RAD52: variants seen among roughly 807,000 people sequenced by gnomAD.
RAD52 encodes the protein DNA repair protein RAD52 homolog.
Under a neutral mutation model 55.5 loss-of-function variants are expected in RAD52, and 47 were observed. The observed-to-expected ratio is 0.85, with a 90% CI of 0.67 to 1.08. RAD52 has a LOEUF of 1.08. Ranked by LOEUF, RAD52 falls within the 50% of genes least tolerant of loss-of-function variation. The pLI is 0.00. For synonymous variants in RAD52, 184 were observed against 198.9 expected (o/e 0.92, Z 0.63); for missense variants, 468 against 522.8 (o/e 0.90, Z 1.02).
chr12:942,872 A>G (rs1957994287), intron 1 of RAD52, among the ~76,000 whole-genome samples: 1 of 152,206 alleles, frequency 6.6e-6, no homozygotes, highest in Non-Finnish European at 1.5e-5. Flanking sequence ...AACTGATTAC[A>G]TCAAAATGTA....
intron 9 of RAD52, among the ~76,000 whole-genome samples, chr12:915,905 C>T (rs1956343122): frequency 1.3e-5 from 2 of 152,008 alleles, no homozygotes; most frequent in African/African-American, 2.4e-5. Context: ...TTAATAGAGA[C>T]GGGGTTTCGC....
chr12:987,952 G>A (rs1328097756), intron 1 of RAD52, among the ~76,000 whole-genome samples: 5 of 151,836 alleles, frequency 3.3e-5, no homozygotes, highest in Admixed American at 2.0e-4. Context: ...TTACAGGCGC[G>A]AGCCACTGCA....
At chr12:937,795 A>G (rs1319187549) in intron 1 of RAD52, among the ~76,000 whole-genome samples, 1 of 152,094 alleles carries the variant, frequency 6.6e-6, no homozygotes, top group Non-Finnish European at 1.5e-5. Context: ...GCATCTTGTT[A>G]CCTGAGAGCT....
rs1718960011 is a variant in RAD52 at position 913,549 on chromosome 12, C to CT, written c.1196-98dup. 18 of 1,009,330 alleles carry CT rather than the reference C, an allele frequency of 1.8e-5. No individual in the cohort carries two copies. In the South Asian group the frequency reaches 2.4e-4, roughly 14 times the overall value. 62.5% of individuals were successfully genotyped at this position (1,009,330 alleles called of 1,614,324 possible). A position where few individuals can be genotyped will look rare whatever the true frequency, so the allele number is the denominator to read the frequency against. On this transcript the variant is annotated intron_variant, in intron 11 of 11. Transcript: ENST00000358495. ...ATTATATTAATGATCCTAATTTAGA[C>CT]TAAGCCCAAGAATGAGAATTACTGT... is the stretch of plus-strand genomic sequence containing the variant.
upstream of RAD52, among the ~76,000 whole-genome samples, chr12:950,571 C>CAAAAAA (rs763764449): frequency 2.3e-3 from 302 of 132,044 alleles, 7 homozygotes; most frequent in African/African-American, 8.5e-3. Flanking sequence ...GGCTCCGTCT[C>CAAAAAA]AAAAAAAAAA....
Position 961,879 on chromosome 12 carries a change from A to AAG in RAD52, c.-19+27928_-19+27929dup, listed in dbSNP as rs778005741. 2.8e-4 allele frequency among the ~76,000 whole-genome samples: 43 copies of AAG among 151,706 alleles called. No homozygotes were observed. The East Asian group carries it at 6.4e-3, about 23-fold the overall frequency. Reference sequence around the variant, plus strand: ...CCCTGTATCTAAAAAAGAAAGAAAAAAGAGAGAGAGAGAGACACTAGAGGG... The same window carrying AAG: ...CCCTGTATCTAAAAAAGAAAGAAAAAAGAGAGAGAGAGAGAGACACTAGAGGG... On this transcript the variant is annotated intron_variant, in intron 1 of 11. Transcript: ENST00000430095.
intron 1 of RAD52, among the ~76,000 whole-genome samples, chr12:937,292 A>C (rs1957687794): frequency 1.3e-5 from 2 of 151,846 alleles, no homozygotes; most frequent in South Asian, 4.2e-4. Flanking sequence ...CCTTTCCCCT[A>C]CCTCTGCTTC....
At position 930,049 on chromosome 12, in the gene RAD52, AC is replaced by A; in HGVS notation, c.280+1del. On this transcript the variant is annotated splice_donor_variant, in intron 4 of 11. Coordinates refer to ENST00000358495, the MANE Select transcript of RAD52 (RefSeq NM_134424.4). LOFTEE classifies it high-confidence loss of function. ...GTCCCCACTGCTGGAGAGCATACTC[AC>A]CCACATTCTGCTGCGTGATGGAGTG... The A allele has an allele frequency of 3.7e-6, 6 of 1,612,598 alleles. No homozygotes were observed. Among genetic ancestry groups the A allele is most frequent in the Non-Finnish European group, 5.1e-6 (6 of 1,178,624 alleles).
chr12:930,129 C>T lies in RAD52; in HGVS notation c.202G>A (p.Gly68Ser). Reference protein sequence around the residue: ...GGGQKVCYIEGHRVINLANEM... With the variant: ...GGGQKVCYIESHRVINLANEM... ...TTGGCCAGATTAATTACCCGATGAC[C>T]CTCAATGTAGCACACCTAGAAAAAC... The change falls in exon 4 of 12, where the codon GGT becomes AGT. Residue 68 changes from glycine (G) to serine (S), a missense_variant. Physicochemically the swap from Gly to Ser is moderately conservative, Grantham distance 56. Transcript: ENST00000358495. 1 of 1,613,498 alleles carries T rather than the reference C, an allele frequency of 6.2e-7. No individual in the cohort carries two copies. The highest frequency in any genetic ancestry group is 8.5e-7 in the Non-Finnish European group (1 of 1,179,544).
At chr12:942,024 C>A (rs1565685709) in intron 1 of RAD52, among the ~76,000 whole-genome samples, 1 of 152,178 alleles carries the variant, frequency 6.6e-6, no homozygotes, top group East Asian at 1.9e-4. Flanking sequence ...GGTGTCATTT[C>A]TTTCCAAATT....
chr12:916,703 G>C lies in RAD52; in HGVS notation c.661C>G (p.Gln221Glu), dbSNP rs4987206. Residue 221 changes from glutamine to glutamate, a missense_variant, in exon 8 of 12, where the codon CAG becomes GAG. By Grantham distance (29) the Gln-to-Glu change is conservative. Coordinates refer to ENST00000358495, the MANE Select transcript of RAD52 (RefSeq NM_134424.4). ...NMALGHPQLQ[Q>E]VTSPSRPSHA... ...CTGGGTCTGGAAGGGGAGGTCACCT[G>C]CTGCAGCTGTGGGTGTCCCAGGGCC... The C allele has an allele frequency of 1.8e-3, 2,948 of 1,614,186 alleles. 44 individuals carry two copies. In the African/African-American group the frequency reaches 0.032, roughly 18 times the overall value.
intron 1 of RAD52, among the ~76,000 whole-genome samples, chr12:935,365 C>G (rs1285133414): frequency 6.7e-6 from 1 of 149,604 alleles, no homozygotes; most frequent in Non-Finnish European, 1.5e-5. Context: ...AGCAGCATCA[C>G]CATCACCTGT....
rs1489679789 is a variant in RAD52 at position 916,367 on chromosome 12, G to A, written c.842C>T (p.Thr281Met). Reference protein sequence around the residue: ...RMEKQQVRVSTPSAEKSEAAP... With the variant: ...RMEKQQVRVSMPSAEKSEAAP... ...ACCCTCACTCTTCTCAGCTGACGGC[G>A]TGGAGACTCGAACCTGCTGCTTCTC... Residue 281 changes from threonine to methionine, a missense_variant, in exon 9 of 12, where the codon ACG becomes ATG. Coordinates refer to ENST00000358495, the MANE Select transcript of RAD52 (RefSeq NM_134424.4). The A allele has an allele frequency of 4.4e-6, 7 of 1,607,586 alleles. No homozygotes were observed. In the East Asian group the frequency reaches 1.1e-4, roughly 26 times the overall value.
chr12:971,712 G>A (rs1408702218), intron 1 of RAD52, among the ~76,000 whole-genome samples: 1 of 152,106 alleles, frequency 6.6e-6, no homozygotes, highest in African/African-American at 2.4e-5. Flanking sequence ...TAACTCGTAT[G>A]ATACTCTCCA....
intron 3 of RAD52, among the ~76,000 whole-genome samples, chr12:930,982 A>AT (rs1555173628): frequency 6.6e-6 from 1 of 151,778 alleles, no homozygotes; most frequent in African/African-American, 2.4e-5. Context: ...AAAAATAAAA[A>AT]AAAAAAAAGA....
At chr12:987,053 C>T (rs1272316799) in intron 1 of RAD52, among the ~76,000 whole-genome samples, 1 of 152,108 alleles carries the variant, frequency 6.6e-6, no homozygotes, top group African/African-American at 2.4e-5. Context: ...TGACTGCAAC[C>T]TCTGCCTCCC....
At chr12:947,095 G>A (rs79668822) in intron 1 of RAD52, among the ~76,000 whole-genome samples, 3 of 152,224 alleles carry the variant, frequency 2.0e-5, no homozygotes, top group African/African-American at 7.2e-5. Flanking sequence ...GGGAGGCCAA[G>A]GCGGGAGGAT....
chr12:982,064 A>G (rs1034513205), intron 1 of RAD52, among the ~76,000 whole-genome samples: 1 of 152,190 alleles, frequency 6.6e-6, no homozygotes, highest in African/African-American at 2.4e-5. Context: ...TGCAGTTCGA[A>G]TGGCAGCCTT....
rs141998235 is a variant in RAD52 at position 947,183 on chromosome 12, G to A, written c.-19+2419C>T. Reference sequence around the variant, plus strand: ...CTCTACTAAAAATACAAAATTAGCCGGGTGTGGTGGTGCACACCTGTAATC... The same window carrying A: ...CTCTACTAAAAATACAAAATTAGCCAGGTGTGGTGGTGCACACCTGTAATC... On this transcript the variant is annotated intron_variant, in intron 1 of 11. Transcript: ENST00000358495. 1.4e-3 allele frequency among the ~76,000 whole-genome samples: 206 copies of A among 151,500 alleles called. No homozygotes were observed. The East Asian group carries it at 0.034, about 25-fold the overall frequency.
Sources: gnomAD v4.1 joint callset for allele counts (sites outside exome capture counted in the v4.1 genomes callset) on GRCh38, gnomAD v4.1.1 for gene constraint, MANE v1.5 for transcripts, NCBI Gene and HGNC (gene_info 2026-07-23, HGNC 2026-07-21) for gene names.